Variants in NHEJ1 observed in about 807,000 individuals in gnomAD.
NHEJ1 encodes non-homologous end-joining factor 1.
In NHEJ1, 22 loss-of-function variants were observed where a neutral mutation model predicts 39.4. The observed-to-expected ratio is 0.56, with a 90% CI of 0.40 to 0.80. NHEJ1 has a LOEUF of 0.80. NHEJ1 is among the 30% of genes least tolerant of loss of function. The pLI, the probability that NHEJ1 is intolerant of heterozygous loss-of-function variation, is 0.00. For synonymous variants in NHEJ1, 154 were observed against 135.6 expected (o/e 1.14, Z -0.94); for missense variants, 329 against 357.1 (o/e 0.92, Z 0.63).
At chr2:219,156,590 T>C (rs1311165177) in intron 3 of NHEJ1, among the ~76,000 whole-genome samples, 1 of 152,216 alleles carries the variant, frequency 6.6e-6, no homozygotes, top group Non-Finnish European at 1.5e-5. Flanking sequence ...TCTCTGAAAA[T>C]GAGGCTTTGG....
chr2:219,110,429 A>G (rs1183547979), intron 5 of NHEJ1, among the ~76,000 whole-genome samples: 1 of 151,804 alleles, frequency 6.6e-6, no homozygotes, highest in Non-Finnish European at 1.5e-5. Context: ...GGCTAAGGTG[A>G]GAGGATCGCT....
intron 5 of NHEJ1, among the ~76,000 whole-genome samples, chr2:219,094,908 C>T (rs1186307035): frequency 6.6e-6 from 1 of 152,154 alleles, no homozygotes; most frequent in East Asian, 1.9e-4. Flanking sequence ...TGAACACCTG[C>T]TAATAATAAA....
At position 219,126,381 on chromosome 2, in the gene NHEJ1, C is replaced by T. The variant is rs372582666; in HGVS notation, c.588+20299G>A. On this transcript the variant is annotated intron_variant, in intron 5 of 7. Transcript: ENST00000356853. ...ATCGTACCTCCTCATCCTTAAGTGG[C>T]CCTAGTGGGCTTTCAAAACAAACAA... is the stretch of plus-strand genomic sequence containing the variant. Among the ~76,000 whole-genome samples the T allele has an allele frequency of 7.2e-5, 11 of 152,328 alleles. No individual in the cohort carries two copies. In the South Asian group the frequency reaches 2.3e-3, roughly 32 times the overall value.
At chr2:219,078,856 T>C (rs1949037716) in intron 5 of NHEJ1, among the ~76,000 whole-genome samples, 1 of 152,164 alleles carries the variant, frequency 6.6e-6, no homozygotes, top group Non-Finnish European at 1.5e-5. Flanking sequence ...CTGACTCTTT[T>C]AAAGTATAAA....
intron 5 of NHEJ1, among the ~76,000 whole-genome samples, chr2:219,137,900 G>A (rs1949650773): frequency 6.6e-6 from 1 of 152,056 alleles, no homozygotes; most frequent in South Asian, 2.1e-4. Flanking sequence ...CTCTTTGATG[G>A]CAATATTATC....
chr2:219,114,456 C>A (rs1037759652), intron 5 of NHEJ1, among the ~76,000 whole-genome samples: 2 of 152,206 alleles, frequency 1.3e-5, no homozygotes, highest in Non-Finnish European at 2.9e-5. Context: ...AGCAAAATGT[C>A]ATTCTCAGGG....
chr2:219,123,000 G>A lies in NHEJ1; in HGVS notation c.588+23680C>T, dbSNP rs117783356. On this transcript the variant is annotated intron_variant, in intron 5 of 7. Transcript: ENST00000356853. ...CAGTTAAGAAAGAACTAAACATTGT[G>A]TCCTACGTCCCTGGCACTGGGGGGC... 5.2e-4 allele frequency among the ~76,000 whole-genome samples: 79 copies of A among 152,326 alleles called. 1 individual carries two copies. The East Asian group carries it at 0.014, about 28-fold the overall frequency.
chr2:219,154,907 CATATT>C (rs940304643), intron 3 of NHEJ1, among the ~76,000 whole-genome samples: 16 of 146,014 alleles, frequency 1.1e-4, no homozygotes, highest in Admixed American at 4.1e-4. Context: ...TATACCATTA[CATATT>C]ATATTAATAT....
At chr2:219,139,215 G>GT (rs1393000553) in intron 5 of NHEJ1, among the ~76,000 whole-genome samples, 1 of 152,086 alleles carries the variant, frequency 6.6e-6, no homozygotes, top group Non-Finnish European at 1.5e-5. Context: ...AGCCTCCTGA[G>GT]TAGCTGGGAT....
At chr2:219,129,974 C>T (rs1949562272) in intron 5 of NHEJ1, among the ~76,000 whole-genome samples, 1 of 98,702 alleles carries the variant, frequency 1.0e-5, no homozygotes. Flanking sequence ...ATTTTCTGTC[C>T]TGTTTTTTTT....
chr2:219,104,406 A>G (rs1391108217), intron 5 of NHEJ1, among the ~76,000 whole-genome samples: 1 of 152,238 alleles, frequency 6.6e-6, no homozygotes, highest in African/African-American at 2.4e-5. Context: ...CAGTGAGATC[A>G]GCACACATGA....
At position 219,069,889 on chromosome 2, in the gene NHEJ1, T is replaced by C. The variant is rs1256136536; in HGVS notation, c.*6492A>G. The C allele has an allele frequency of 1.3e-5, 2 of 152,110 alleles. No homozygotes were observed. Among genetic ancestry groups the C allele is most frequent in the Non-Finnish European group, 2.9e-5 (2 of 68,026 alleles). 9.4% of individuals were successfully genotyped at this position (152,110 alleles called of 1,614,324 possible). ...TTGAGCTGCAAGTGAGAAAATCCAA[T>C]GGGAAAACATTCCAGATTGCTATAA... On this transcript the variant is annotated 3_prime_UTR_variant, in exon 8 of 8. Coordinates refer to ENST00000356853, the MANE Select transcript of NHEJ1 (RefSeq NM_024782.3).
chr2:219,080,588 T>A (rs150223443), intron 5 of NHEJ1, among the ~76,000 whole-genome samples: 539 of 49,290 alleles, frequency 0.011, 14 homozygotes, highest in African/African-American at 0.03. Context: ...TATATACGCT[T>A]ATATATATAT....
At chr2:219,157,217 A>C (rs1949862487) in intron 3 of NHEJ1, among the ~76,000 whole-genome samples, 1 of 152,220 alleles carries the variant, frequency 6.6e-6, no homozygotes, top group African/African-American at 2.4e-5. Context: ...TGGATAACCA[A>C]CAATTAGCCC....
intron 5 of NHEJ1, among the ~76,000 whole-genome samples, chr2:219,146,407 T>G (rs1045419872): frequency 1.3e-5 from 2 of 152,228 alleles, no homozygotes; most frequent in African/African-American, 4.8e-5. Flanking sequence ...TTTCCAAGGT[T>G]AGAGAATTCC....
chr2:219,125,551 A>T (rs918869384), intron 5 of NHEJ1: 2 of 152,392 alleles, frequency 1.3e-5, no homozygotes, highest in African/African-American at 4.8e-5. Context: ...CGATCCTTTC[A>T]TCTGGGCTCC....
intron 5 of NHEJ1, among the ~76,000 whole-genome samples, chr2:219,114,129 C>A (rs1057208315): frequency 4.6e-5 from 7 of 152,190 alleles, no homozygotes; most frequent in Non-Finnish European, 1.0e-4. Flanking sequence ...CACAAGCCCA[C>A]AAGGGGACAA....
chr2:219,126,628 C>T (rs1395953972), intron 5 of NHEJ1, among the ~76,000 whole-genome samples: 1 of 152,194 alleles, frequency 6.6e-6, no homozygotes, highest in African/African-American at 2.4e-5. Flanking sequence ...AACAAGACAT[C>T]ATATCCCTGC....
intron 5 of NHEJ1, among the ~76,000 whole-genome samples, chr2:219,125,246 A>G (rs1949504984): frequency 6.6e-6 from 1 of 152,200 alleles, no homozygotes; most frequent in Non-Finnish European, 1.5e-5. Flanking sequence ...ACGCAGCTTG[A>G]GTGACTAAAG....
Sources: gnomAD v4.1 joint callset for allele counts (sites outside exome capture counted in the v4.1 genomes callset) on GRCh38, gnomAD v4.1.1 for gene constraint, MANE v1.5 for transcripts, NCBI Gene and HGNC (gene_info 2026-07-23, HGNC 2026-07-21) for gene names.